The following ARHGAP10 variants were observed in gnomAD, a reference collection of about 807,000 sequenced individuals.
ARHGAP10 encodes Rho GTPase activating protein 10, also known as rho GTPase-activating protein 10.
ARHGAP10 carries 87 observed loss-of-function variants against 108.6 expected under a neutral mutation model. That is an observed-to-expected ratio of 0.80 (90% CI 0.67 to 0.96). The LOEUF is 0.96. ARHGAP10 is among the 40% of genes least tolerant of loss of function. ARHGAP10 has a pLI of 0.00. For synonymous variants in ARHGAP10, 347 were observed against 341.1 expected, an observed-to-expected ratio of 1.02 and a Z score of -0.19; for missense variants, 939 against 954.5, an observed-to-expected ratio of 0.98 and a Z score of 0.21.
chr4:147,987,015 G>C (rs1034597830), intron 18 of ARHGAP10, among the ~76,000 whole-genome samples: 3 of 152,196 alleles, frequency 2.0e-5, no homozygotes, highest in Admixed American at 1.3e-4. Context: ...AGAAACAGCA[G>C]ATAACGGGAT....
intron 1 of ARHGAP10, among the ~76,000 whole-genome samples, chr4:147,781,910 G>T (rs1002578309): frequency 6.6e-6 from 1 of 151,862 alleles, no homozygotes; most frequent in African/African-American, 2.4e-5. Flanking sequence ...CTAAACTCTA[G>T]GTATCTATTT....
chr4:147,765,337 T>TG (rs1553947379), intron 1 of ARHGAP10, among the ~76,000 whole-genome samples: 1,683 of 58,322 alleles, frequency 0.029, 116 homozygotes, highest in African/African-American at 0.088. Flanking sequence ...TGTGTGTGTG[T>TG]GGGGGGGGGG....
intron 1 of ARHGAP10, among the ~76,000 whole-genome samples, chr4:147,784,681 A>G (rs1560756523): frequency 1.1e-5 from 1 of 94,066 alleles, no homozygotes; most frequent in African/African-American, 4.2e-5. Flanking sequence ...TATATTATAA[A>G]TATAAAATAT....
intron 5 of ARHGAP10, among the ~76,000 whole-genome samples, chr4:147,860,462 AAAC>A (rs1412175240): frequency 2.6e-5 from 4 of 152,070 alleles, no homozygotes; most frequent in Admixed American, 1.3e-4. Flanking sequence ...AAACAAAACA[AAAC>A]AAAAAAAACC....
At chr4:148,005,198 G>A (rs1021892556) in intron 18 of ARHGAP10, among the ~76,000 whole-genome samples, 14 of 152,178 alleles carry the variant, frequency 9.2e-5, no homozygotes, top group Non-Finnish European at 1.8e-4. Flanking sequence ...CTATAACGCT[G>A]CATGTCCCAT....
chr4:147,869,998 T>TTTTTTTTGTCTG lies in ARHGAP10; in HGVS notation c.702+3183_702+3184insTTTTTTGTCTGT, dbSNP rs1553958574. ...ACATATTGTTGAAAAAAGTCCCAGT[T>TTTTTTTTGTCTG]TGTGTGTGTGTGTGTGTGTGTGTGT... On this transcript the variant is annotated intron_variant, in intron 7 of 22. Coordinates refer to ENST00000336498, the MANE Select transcript of ARHGAP10 (RefSeq NM_024605.4). Among the ~76,000 whole-genome samples the TTTTTTTTGTCTG allele has an allele frequency of 7.2e-3, 669 of 93,102 alleles. 25 individuals are homozygous for TTTTTTTTGTCTG. Among genetic ancestry groups the TTTTTTTTGTCTG allele is most frequent in the African/African-American group, 0.027 (619 of 22,784 alleles). 61.1% of individuals were successfully genotyped at this position (93,102 alleles called of 152,430 possible).
At chr4:147,815,723 G>T (rs979076506) in intron 1 of ARHGAP10, among the ~76,000 whole-genome samples, 5 of 9,676 alleles carry the variant, frequency 5.2e-4, no homozygotes, top group African/African-American at 4.2e-4. Flanking sequence ...GATAGGCGTG[G>T]TGGTGGTGGT....
At chr4:147,916,566 A>G (rs1736991193) in intron 13 of ARHGAP10, 1 of 152,248 alleles carries the variant, frequency 6.6e-6, no homozygotes, top group South Asian at 2.1e-4. Context: ...GAGAACTGGC[A>G]GTGCCCAGAT....
At chr4:148,028,211 G>A (rs1019951521) in intron 19 of ARHGAP10, among the ~76,000 whole-genome samples, 16 of 152,128 alleles carry the variant, frequency 1.1e-4, no homozygotes, top group African/African-American at 2.9e-4. Flanking sequence ...GCGTGACTGA[G>A]GCATGGCAGG....
chr4:148,009,061 A>T (rs1741065185), intron 18 of ARHGAP10, among the ~76,000 whole-genome samples: 1 of 152,112 alleles, frequency 6.6e-6, no homozygotes, highest in Non-Finnish European at 1.5e-5. Flanking sequence ...TCAACAGATA[A>T]TCCACATGAT....
At chr4:147,863,950 T>A (rs1734434147) in intron 5 of ARHGAP10, 1 of 152,234 alleles carries the variant, frequency 6.6e-6, no homozygotes, top group Admixed American at 6.5e-5. Context: ...GAGTGTGAGG[T>A]GGCATCTCCT....
At chr4:147,935,588 A>G (rs1449535584) in intron 13 of ARHGAP10, among the ~76,000 whole-genome samples, 1 of 152,230 alleles carries the variant, frequency 6.6e-6, no homozygotes, top group Non-Finnish European at 1.5e-5. Flanking sequence ...GAAATTTGGA[A>G]AAGAAGCTGG....
chr4:148,023,491 G>C, intron 19 of ARHGAP10, 78 bp downstream of exon 19: 1 of 1,390,280 alleles, frequency 7.2e-7, no homozygotes, highest in Non-Finnish European at 9.6e-7. Flanking sequence ...GCAGGCCACA[G>C]TTTTCTGTCA....
At chr4:147,975,550 C>A (rs1175477007) in intron 18 of ARHGAP10, among the ~76,000 whole-genome samples, 1 of 152,156 alleles carries the variant, frequency 6.6e-6, no homozygotes, top group African/African-American at 2.4e-5. Flanking sequence ...CTTCTTGATG[C>A]ATCATCTCAT....
At chr4:147,908,319 T>G (rs1039578157) in intron 11 of ARHGAP10, among the ~76,000 whole-genome samples, 3 of 152,186 alleles carry the variant, frequency 2.0e-5, no homozygotes, top group Non-Finnish European at 4.4e-5. Flanking sequence ...TGGATTTGCA[T>G]CCATTAAAAT....
chr4:147,897,018 C>G (rs1736020043), intron 10 of ARHGAP10, among the ~76,000 whole-genome samples: 1 of 151,804 alleles, frequency 6.6e-6, no homozygotes, highest in Non-Finnish European at 1.5e-5. Flanking sequence ...TGCATAATGA[C>G]CCTTTTATGA....
chr4:147,781,219 C>T (rs527974298), intron 1 of ARHGAP10, among the ~76,000 whole-genome samples: 1 of 152,220 alleles, frequency 6.6e-6, no homozygotes, highest in Admixed American at 6.5e-5. Context: ...TTAGCTGTGC[C>T]TGTAGTCCCA....
intron 1 of ARHGAP10, among the ~76,000 whole-genome samples, chr4:147,780,326 C>G (rs150707598): frequency 1.3e-5 from 2 of 152,240 alleles, no homozygotes; most frequent in East Asian, 1.9e-4. Context: ...CCTACCTCTC[C>G]TCTCCTACCC....
At chr4:147,880,503 G>A (rs1311154218) in intron 9 of ARHGAP10, among the ~76,000 whole-genome samples, 1 of 152,164 alleles carries the variant, frequency 6.6e-6, no homozygotes, top group Non-Finnish European at 1.5e-5. Flanking sequence ...TCTGCTTAGT[G>A]ATATCTTTCT....
Sources: gnomAD v4.1 joint callset for allele counts (sites outside exome capture counted in the v4.1 genomes callset) on GRCh38, gnomAD v4.1.1 for gene constraint, MANE v1.5 for transcripts, NCBI Gene and HGNC (gene_info 2026-07-23, HGNC 2026-07-21) for gene names.